RAB31: variants seen among roughly 807,000 people sequenced by gnomAD.
RAB31 encodes the protein ras-related protein Rab-31.
Under a neutral mutation model 25.6 loss-of-function variants are expected in RAB31, and 21 were observed. That is an observed-to-expected ratio of 0.82 (90% confidence interval 0.58 to 1.18). RAB31 has a LOEUF of 1.18. Among genes scored for constraint, RAB31 ranks in the 50% most tolerant of loss-of-function variants. The pLI is 0.00. For missense variants in RAB31, 196 were observed against 250.1 expected (o/e 0.78, Z 1.46); for synonymous variants, 87 against 84.0 (o/e 1.04, Z -0.20).
rs74487137 is a variant in RAB31, at chr18:9,819,233, G to C, written c.380+4011G>C. Among the ~76,000 whole-genome samples the C allele has an allele frequency of 1.9e-3, 284 of 152,222 alleles. 7 individuals carry two copies. In the East Asian group the frequency reaches 0.048, roughly 26 times the overall value. ...CATTTAGGTCTGTCATCCATTTTGA[G>C]TTACTTTTTGTATGTAATGTAAGAT... On this transcript the variant is annotated intron_variant, in intron 5 of 6. Transcript: ENST00000578921.
intron 3 of RAB31, 85 bp from the exon 4 acceptor site, chr18:9,813,935 A>C: frequency 1.2e-6 from 1 of 861,416 alleles, no homozygotes; most frequent in Non-Finnish European, 1.9e-6. Context: ...TGTAAGGATG[A>C]TGTAGGATAA....
At chr18:9,835,004 CCTAA>C (rs745989916) in intron 5 of RAB31, among the ~76,000 whole-genome samples, 25 of 152,104 alleles carry the variant, frequency 1.6e-4, no homozygotes, top group Non-Finnish European at 2.9e-4. Flanking sequence ...CACTGCCAAC[CCTAA>C]CTGAGTGCCT....
chr18:9,744,362 G>A (rs540848277), intron 1 of RAB31, among the ~76,000 whole-genome samples: 8 of 152,182 alleles, frequency 5.3e-5, no homozygotes, highest in Admixed American at 1.3e-4. Flanking sequence ...AGCAAAGTTC[G>A]TATTTGTAAA....
Position 9,708,992 on chromosome 18 carries a change from G to A in RAB31, c.39+548G>A, listed in dbSNP as rs542177513. On this transcript the variant is annotated intron_variant, in intron 1 of 6. Coordinates refer to ENST00000578921, the MANE Select transcript of RAB31 (RefSeq NM_006868.4). The surrounding 1 kb of genome is among the most constrained non-coding windows in gnomAD (Gnocchi z 6.4). ...GTAAAACAGAAAAATAAAACCAAAA[G>A]CGAACCCAGCCAAGGGGGTGAAAGC... 6.6e-6 allele frequency among the ~76,000 whole-genome samples: 1 copy of A among 152,324 alleles called. No homozygotes were observed. The highest frequency in any genetic ancestry group is 6.5e-5 in the Admixed American group (1 of 15,312).
intron 3 of RAB31, among the ~76,000 whole-genome samples, chr18:9,801,142 C>T (rs1276498220): frequency 6.6e-6 from 1 of 152,136 alleles, no homozygotes; most frequent in Non-Finnish European, 1.5e-5. Context: ...AAAGTATTTC[C>T]TTTTTATGGC....
chr18:9,845,170 A>C (rs2068754689), intron 5 of RAB31, among the ~76,000 whole-genome samples: 3 of 152,210 alleles, frequency 2.0e-5, no homozygotes, highest in South Asian at 4.1e-4. Flanking sequence ...GTGAAAGATA[A>C]TATGTAAAAA....
At chr18:9,759,104 A>T (rs538899776) in intron 1 of RAB31, among the ~76,000 whole-genome samples, 2 of 152,228 alleles carry the variant, frequency 1.3e-5, no homozygotes, top group East Asian at 3.9e-4. Flanking sequence ...ACGTTCAGAC[A>T]TGAGGAAGGT....
At chr18:9,839,898 C>T (rs993409220) in intron 5 of RAB31, among the ~76,000 whole-genome samples, 1 of 152,176 alleles carries the variant, frequency 6.6e-6, no homozygotes, top group African/African-American at 2.4e-5. Flanking sequence ...TTTGTGGTCC[C>T]GCAGCCGTTC....
intron 3 of RAB31, among the ~76,000 whole-genome samples, chr18:9,796,021 A>G (rs1489513039): frequency 6.6e-6 from 1 of 152,228 alleles, no homozygotes; most frequent in Non-Finnish European, 1.5e-5. Flanking sequence ...AATGTGGTAT[A>G]TATATACACC....
In RAB31 at chr18:9,710,167, C is replaced by T. The variant is rs115476516; in HGVS notation, c.39+1723C>T. Among the ~76,000 whole-genome samples, 1,313 of 152,266 alleles carry T rather than the reference C, an allele frequency of 8.6e-3. 19 individuals are homozygous for T. Among genetic ancestry groups the T allele is most frequent in the African/African-American group, 0.03 (1,237 of 41,526 alleles). ...TGATCAGGTGGCAAGAACCCTGTGTCAAGAGGCAGGAAACCTAGGCTCTCG... is the reference window on the plus strand; with the variant it reads ...TGATCAGGTGGCAAGAACCCTGTGTTAAGAGGCAGGAAACCTAGGCTCTCG... On this transcript the variant is annotated intron_variant, in intron 1 of 6. Coordinates refer to ENST00000578921, the MANE Select transcript of RAB31 (RefSeq NM_006868.4).
At chr18:9,835,603 C>A (rs1337605836) in intron 5 of RAB31, among the ~76,000 whole-genome samples, 1 of 152,146 alleles carries the variant, frequency 6.6e-6, no homozygotes, top group Non-Finnish European at 1.5e-5. Flanking sequence ...GTAGGTGAGG[C>A]CCCTTGGGAG....
chr18:9,792,009 TTCTAGCCCTTTTCTCG>T, intron 2 of RAB31, 129 bp from the exon 3 acceptor site: 1 of 1,111,736 alleles, frequency 9.0e-7, no homozygotes, highest in South Asian at 1.9e-5. Context: ...GTCATGAGTC[TTCTAGCCCTTTTCTCG>T]TCTTAGTGGT....
intron 3 of RAB31, among the ~76,000 whole-genome samples, chr18:9,807,694 C>G (rs1024771867): frequency 6.6e-6 from 1 of 152,082 alleles, no homozygotes; most frequent in Non-Finnish European, 1.5e-5. Context: ...ACTAATCCAG[C>G]GGGGTGCAGT....
chr18:9,833,360 T>G (rs1393500262), intron 5 of RAB31, among the ~76,000 whole-genome samples: 1 of 152,124 alleles, frequency 6.6e-6, no homozygotes, highest in African/African-American at 2.4e-5. Flanking sequence ...AGGGGGACCA[T>G]GGGACGACAG....
chr18:9,745,724 A>G (rs1307025148), intron 1 of RAB31, among the ~76,000 whole-genome samples: 5 of 152,222 alleles, frequency 3.3e-5, no homozygotes, highest in Non-Finnish European at 7.3e-5. Flanking sequence ...GTATTGACAC[A>G]TTCCAACACT....
chr18:9,764,204 T>G (rs1028465384), intron 1 of RAB31, among the ~76,000 whole-genome samples: 4 of 152,220 alleles, frequency 2.6e-5, no homozygotes, highest in Non-Finnish European at 5.9e-5. Context: ...GTACAATTAG[T>G]TCGGTCACTG....
chr18:9,728,391 A>G (rs1388337248), intron 1 of RAB31, among the ~76,000 whole-genome samples: 2 of 152,256 alleles, frequency 1.3e-5, no homozygotes, highest in East Asian at 1.9e-4. Flanking sequence ...TAGAAATAGA[A>G]CGTTGGGTCA....
At chr18:9,747,443 C>G (rs1384166103) in intron 1 of RAB31, among the ~76,000 whole-genome samples, 1 of 152,060 alleles carries the variant, frequency 6.6e-6, no homozygotes, top group African/African-American at 2.4e-5. Flanking sequence ...TCATAATAGC[C>G]AAAAGGTGGA....
At chr18:9,715,645 T>G (rs766223513) in intron 1 of RAB31, among the ~76,000 whole-genome samples, 22 of 150,820 alleles carry the variant, frequency 1.5e-4, no homozygotes, top group Non-Finnish European at 2.1e-4. Context: ...TTCTCTTGCC[T>G]CAGTCTCCTG....
Sources: gnomAD v4.1 joint callset for allele counts (sites outside exome capture counted in the v4.1 genomes callset) on GRCh38, gnomAD v4.1.1 for gene constraint, Gnocchi (gnomAD v3.1) non-coding constraint, MANE v1.5 for transcripts, NCBI Gene and HGNC (gene_info 2026-07-23, HGNC 2026-07-21) for gene names.